ARL8B: variants seen among roughly 807,000 people sequenced by gnomAD.
The protein encoded by ARL8B is ADP-ribosylation factor-like protein 8B.
In ARL8B, 9 loss-of-function variants were observed where a neutral mutation model predicts 30.6. The ratio of observed to expected loss-of-function variants is 0.29; its 90% CI spans 0.18 to 0.51. ARL8B has a LOEUF of 0.51. Ranked by LOEUF, ARL8B falls within the 20% of genes least tolerant of loss-of-function variation. The pLI, the probability that ARL8B is intolerant of heterozygous loss-of-function variation, is 0.97. For synonymous variants in ARL8B, 74 were observed against 76.0 expected, an observed-to-expected ratio of 0.97 and a Z score of 0.14; for missense variants, 130 against 227.2, an observed-to-expected ratio of 0.57 and a Z score of 2.75.
At chr3:5,127,751 T>C (rs1252088317) in intron 1 of ARL8B, among the ~76,000 whole-genome samples, 1 of 151,802 alleles carries the variant, frequency 6.6e-6, no homozygotes, top group African/African-American at 2.4e-5. Context: ...TGGGCACCTG[T>C]AGTCCCAGCT....
intron 2 of ARL8B, among the ~76,000 whole-genome samples, chr3:5,171,125 A>G (rs1205136158): frequency 6.6e-6 from 1 of 152,096 alleles, no homozygotes; most frequent in Non-Finnish European, 1.5e-5. Context: ...GGTTTACAGA[A>G]GCTGTTCACT....
intron 1 of ARL8B, among the ~76,000 whole-genome samples, chr3:5,143,881 C>T (rs971347003): frequency 6.6e-6 from 1 of 152,168 alleles, no homozygotes; most frequent in Non-Finnish European, 1.5e-5. Context: ...TATGGGAGCC[C>T]ATATAATAAC....
intron 1 of ARL8B, among the ~76,000 whole-genome samples, chr3:5,151,721 A>AC (rs555488645): frequency 0.042 from 3,438 of 81,484 alleles, 55 homozygotes; most frequent in Non-Finnish European, 0.058. Flanking sequence ...TTCTCCCCCC[A>AC]CCCCCCCCCT....
chr3:5,154,721 A>G (rs3967123), intron 1 of ARL8B, among the ~76,000 whole-genome samples: 58,151 of 151,092 alleles, frequency 0.38, 12,534 homozygotes, highest in African/African-American at 0.61. Flanking sequence ...ACTATTCTAC[A>G]TTCTGTCTAT....
intron 1 of ARL8B, among the ~76,000 whole-genome samples, chr3:5,159,627 A>T (rs2054564087): frequency 7.0e-6 from 1 of 141,866 alleles, no homozygotes; most frequent in African/African-American, 2.6e-5. Context: ...AAAAAAAAAG[A>T]GAAAAAGAAA....
intron 1 of ARL8B, among the ~76,000 whole-genome samples, chr3:5,166,126 G>A (rs1354322572): frequency 1.4e-5 from 2 of 147,868 alleles, no homozygotes; most frequent in African/African-American, 2.5e-5. Flanking sequence ...TGCAACCTCC[G>A]CTTCCCGGGT....
chr3:5,131,606 G>C (rs1436820513), intron 1 of ARL8B, among the ~76,000 whole-genome samples: 4 of 151,642 alleles, frequency 2.6e-5, no homozygotes, highest in Non-Finnish European at 1.5e-5. Context: ...GGCCACACTG[G>C]TCTTGAACTC....
At chr3:5,170,815 T>C in intron 2 of ARL8B, 1 of 346,358 alleles carries the variant, frequency 2.9e-6, no homozygotes, top group African/African-American at 2.2e-5. Flanking sequence ...CACTGCAACC[T>C]CTACCTCCCG....
At chr3:5,158,119 G>C (rs1219568778) in intron 1 of ARL8B, among the ~76,000 whole-genome samples, 5 of 152,036 alleles carry the variant, frequency 3.3e-5, no homozygotes, top group African/African-American at 9.7e-5. Flanking sequence ...AGGATCACAG[G>C]TGCTCACCAC....
Position 5,178,869 on chromosome 3 carries a change from C to T in ARL8B, c.*156C>T. On this transcript the variant is annotated 3_prime_UTR_variant, in exon 7 of 7. Coordinates refer to ENST00000256496, the MANE Select transcript of ARL8B (RefSeq NM_018184.3). ...TGTGCACTGCTGAAGATGAATATCCCTAATCCTTCATAAAGAATCAGCTAG... is the reference window on the plus strand; with the variant it reads ...TGTGCACTGCTGAAGATGAATATCCTTAATCCTTCATAAAGAATCAGCTAG... 2.3e-6 allele frequency: 3 copies of T among 1,296,440 alleles called. No homozygotes were observed. The highest frequency in any genetic ancestry group is 3.1e-6 in the Non-Finnish European group (3 of 973,300). 80.3% of individuals were successfully genotyped at this position (1,296,440 alleles called of 1,614,324 possible).
intron 1 of ARL8B, among the ~76,000 whole-genome samples, chr3:5,132,958 A>G (rs1424409103): frequency 1.3e-5 from 2 of 152,168 alleles, no homozygotes; most frequent in South Asian, 2.1e-4. Flanking sequence ...AGTGGCAGGA[A>G]TGGCTTTTGA....
chr3:5,172,168 C>T lies in ARL8B; in HGVS notation c.223C>T (p.Gln75Ter). 6.2e-7 allele frequency: 1 copy of T among 1,613,670 alleles called. No homozygotes were observed. Among genetic ancestry groups the T allele is most frequent in the Non-Finnish European group, 8.5e-7 (1 of 1,179,756 alleles). ...TTTAAAGATCTGGGACATAGGAGGA[C>T]AACCCCGATTTCGAAGCATGTGGGA... ...VTIKIWDIGG[Q>*]PRFRSMWERY... is the part of the protein sequence containing the mutation. Residue 75 changes from glutamine to a stop codon, truncating the protein, a stop_gained, in exon 3 of 7, where the codon CAA becomes TAA. Transcript: ENST00000256496. LOFTEE classifies it high-confidence loss of function.
Position 5,178,818 on chromosome 3 carries a change from T to C in ARL8B, c.*105T>C, listed in dbSNP as rs762004962. The C allele has an allele frequency of 6.4e-7, 1 of 1,566,562 alleles. No homozygotes were observed. The highest frequency in any genetic ancestry group is 1.2e-5 in the South Asian group (1 of 86,668). On this transcript the variant is annotated 3_prime_UTR_variant, in exon 7 of 7. Transcript: ENST00000256496. The stretch of plus-strand genomic sequence containing the variant: ...TACGGTCCTTCCTAAACCCCAGAAA[T>C]TGCCTTTTTCAGAGTTTATTTCTCA...
chr3:5,140,477 T>C (rs940393334), intron 1 of ARL8B, among the ~76,000 whole-genome samples: 1 of 152,074 alleles, frequency 6.6e-6, no homozygotes, highest in African/African-American at 2.4e-5. Context: ...TGTGAGTCAA[T>C]TAAACCTCTT....
rs533054713 is a variant in ARL8B at position 5,134,743 on chromosome 3, A to T, written c.123+12155A>T. On this transcript the variant is annotated intron_variant, in intron 1 of 6. Transcript: ENST00000256496. ...TTGATATCTGCTTAGAGACTCATTTAGAGCAGTCTAATAATGGATTTATAG... is the reference window on the plus strand; with the variant it reads ...TTGATATCTGCTTAGAGACTCATTTTGAGCAGTCTAATAATGGATTTATAG... Among the ~76,000 whole-genome samples the T allele has an allele frequency of 8.6e-4, 131 of 152,332 alleles. 1 individual carries two copies. Among genetic ancestry groups the T allele is most frequent in the African/African-American group, 3.1e-3 (129 of 41,574 alleles).
At chr3:5,173,085 C>A (rs1055516369) in intron 4 of ARL8B, among the ~76,000 whole-genome samples, 2 of 152,002 alleles carry the variant, frequency 1.3e-5, no homozygotes, top group Admixed American at 1.3e-4. Flanking sequence ...GCTTTAAGTG[C>A]TAGGAAGAAA....
At chr3:5,143,423 A>G (rs769550705) in intron 1 of ARL8B, among the ~76,000 whole-genome samples, 1 of 152,186 alleles carries the variant, frequency 6.6e-6, no homozygotes, top group Admixed American at 6.5e-5. Context: ...TTGTCCTGGT[A>G]TAGAGCCAAC....
chr3:5,152,432 GTCTT>G (rs1016095049), intron 1 of ARL8B, among the ~76,000 whole-genome samples: 3 of 152,246 alleles, frequency 2.0e-5, no homozygotes, highest in Admixed American at 1.3e-4. Context: ...CATGGTGTTT[GTCTT>G]TCTATCTTTT....
intron 1 of ARL8B, among the ~76,000 whole-genome samples, chr3:5,125,260 T>C (rs116016469): frequency 2.2e-4 from 33 of 152,284 alleles, no homozygotes; most frequent in Non-Finnish European, 4.3e-4. Context: ...GATAGGTAGA[T>C]GGTAACTGTT....
Sources: gnomAD v4.1 joint callset for allele counts (sites outside exome capture counted in the v4.1 genomes callset) on GRCh38, gnomAD v4.1.1 for gene constraint, MANE v1.5 for transcripts, NCBI Gene and HGNC (gene_info 2026-07-23, HGNC 2026-07-21) for gene names.